Variants in PIP5K1C observed in about 807,000 individuals in gnomAD.
PIP5K1C encodes the protein phosphatidylinositol-4-phosphate 5-kinase type 1 gamma, also known as phosphatidylinositol 4-phosphate 5-kinase type-1 gamma.
In PIP5K1C, 45 loss-of-function variants were observed where a neutral mutation model predicts 80.1. The ratio of observed to expected loss-of-function variants is 0.56; its 90% CI spans 0.44 to 0.72. The LOEUF is 0.72. Ranked by LOEUF, PIP5K1C falls within the 30% of genes least tolerant of loss-of-function variation. The pLI is 0.00. For missense variants in PIP5K1C, 753 were observed against 954.6 expected (o/e 0.79, Z 2.78); for synonymous variants, 498 against 420.1 (o/e 1.19, Z -2.27).
At chr19:3,667,660 G>A (rs553916721) in intron 1 of PIP5K1C, among the ~76,000 whole-genome samples, 7 of 152,236 alleles carry the variant, frequency 4.6e-5, no homozygotes, top group Non-Finnish European at 7.3e-5. Flanking sequence ...CACCCACCAC[G>A]GAGGGCCTGG....
intron 2 of PIP5K1C, among the ~76,000 whole-genome samples, chr19:3,666,614 C>T (rs186615394): frequency 4.3e-4 from 66 of 151,980 alleles, no homozygotes; most frequent in African/African-American, 1.1e-3. Context: ...CACACACGCA[C>T]GTAGGCAAAT....
At chr19:3,690,191 A>C (rs77786419) in intron 1 of PIP5K1C, among the ~76,000 whole-genome samples, 7,893 of 151,800 alleles carry the variant, frequency 0.052, 276 homozygotes, top group South Asian at 0.091. Flanking sequence ...AGAGGAGTGG[A>C]GCAGAATAAA....
intron 14 of PIP5K1C, among the ~76,000 whole-genome samples, chr19:3,642,115 G>A (rs915265511): frequency 4.6e-5 from 7 of 152,202 alleles, no homozygotes; most frequent in African/African-American, 1.7e-4. Flanking sequence ...TGGCAGCCGA[G>A]GCCCTGACAC....
rs573641537 is a variant in PIP5K1C at position 3,669,116 on chromosome 19, G to A, written c.95-1763C>T. 2.1e-3 allele frequency among the ~76,000 whole-genome samples: 318 copies of A among 152,304 alleles called. 3 individuals are homozygous for A. Among genetic ancestry groups the A allele is most frequent in the African/African-American group, 7.1e-3 (294 of 41,578 alleles). Reference sequence around the variant, plus strand: ...TCCATTCCCCCTTCCTAGAGGAAGAGGCTGAGGGTTGGGGAAGGGAGGGCT... The same window carrying A: ...TCCATTCCCCCTTCCTAGAGGAAGAAGCTGAGGGTTGGGGAAGGGAGGGCT... On this transcript the variant is annotated intron_variant, in intron 1 of 17. Coordinates refer to ENST00000335312, the MANE Select transcript of PIP5K1C (RefSeq NM_012398.3).
rs532514981 is a variant in PIP5K1C at position 3,660,921 on chromosome 19, T to C, written c.468+45A>G. On this transcript the variant is annotated intron_variant, in intron 5 of 17. Transcript: ENST00000335312. ...CACAGACCCTCCGAGACCCTGAACA[T>C]GTTCTGTTTCAAGCCTGGAAGCCCG... is the stretch of plus-strand genomic sequence containing the variant. 2.7e-6 allele frequency: 4 copies of C among 1,467,906 alleles called. No individual in the cohort carries two copies. The Admixed American group carries it at 5.0e-5, about 19-fold the overall frequency. 90.9% of individuals were successfully genotyped at this position (1,467,906 alleles called of 1,614,324 possible). A position where few individuals can be genotyped will look rare whatever the true frequency, so the allele number is the denominator to read the frequency against.
chr19:3,678,151 AATGGAGGGATGGAGAG>A (rs1194888692), intron 1 of PIP5K1C, among the ~76,000 whole-genome samples: 2 of 99,832 alleles, frequency 2.0e-5, no homozygotes, highest in Non-Finnish European at 4.1e-5. Flanking sequence ...CAGGATAGAA[AATGGAGGGATGGAGAG>A]ATGGAGGGAT....
chr19:3,674,530 C>T (rs966248175), intron 1 of PIP5K1C, among the ~76,000 whole-genome samples: 12 of 145,850 alleles, frequency 8.2e-5, no homozygotes, highest in African/African-American at 1.5e-4. Context: ...CGGGTTCAAG[C>T]GATTCTCCTG....
intron 1 of PIP5K1C, among the ~76,000 whole-genome samples, chr19:3,677,096 T>C (rs1392603874): frequency 2.0e-5 from 3 of 151,192 alleles, no homozygotes; most frequent in Admixed American, 6.6e-5. Flanking sequence ...AGCAAGATCC[T>C]GTCTTAAAAT....
intron 16 of PIP5K1C, among the ~76,000 whole-genome samples, chr19:3,634,284 A>T (rs1240681437): frequency 6.6e-6 from 1 of 151,918 alleles, no homozygotes; most frequent in Non-Finnish European, 1.5e-5. Flanking sequence ...CCGCCTCCTG[A>T]GGAGCCCCCA....
Position 3,688,941 on chromosome 19 carries a change from G to A in PIP5K1C, c.94+11356C>T, listed in dbSNP as rs1013628797. On this transcript the variant is annotated intron_variant, in intron 1 of 17. Transcript: ENST00000335312. This position sits in a 1 kb window ranked among gnomAD's most constrained non-coding sequence, Gnocchi z 5.3. Reference sequence around the variant, plus strand: ...TGGGCGGGGGCCTGGGAGAGTGCCCGGGATGGGGCTGGGGGGTGGGGGGGG... The same window carrying A: ...TGGGCGGGGGCCTGGGAGAGTGCCCAGGATGGGGCTGGGGGGTGGGGGGGG... Among the ~76,000 whole-genome samples the A allele has an allele frequency of 8.7e-5, 13 of 149,324 alleles. No individual in the cohort carries two copies. Among genetic ancestry groups the A allele is most frequent in the Non-Finnish European group, 1.2e-4 (8 of 67,894 alleles).
Position 3,653,393 on chromosome 19 carries a change from G to C in PIP5K1C, c.818C>G (p.Pro273Arg). The C allele has an allele frequency of 1.9e-6, 3 of 1,613,022 alleles. No homozygotes were observed. Among genetic ancestry groups the C allele is most frequent in the Non-Finnish European group, 2.5e-6 (3 of 1,180,018 alleles). ...ASKKEKEKSFPTYKDLDFMQD... is the reference protein window; with the variant it reads ...ASKKEKEKSFRTYKDLDFMQD... ...CATGAAGTCCAGGTCCTTGTAGGTG[G>C]GGAAGCTCTTCTCCTTCTCCTTCTT... The change falls in exon 7 of 18, where the codon CCC becomes CGC. Residue 273 changes from proline (P) to arginine (R), a missense_variant. Physicochemically the swap from Pro to Arg is moderately radical, Grantham distance 103. Coordinates refer to ENST00000335312, the MANE Select transcript of PIP5K1C (RefSeq NM_012398.3).
intron 5 of PIP5K1C, among the ~76,000 whole-genome samples, chr19:3,660,367 G>A (rs1443604078): frequency 1.3e-5 from 2 of 151,146 alleles, no homozygotes; most frequent in Non-Finnish European, 3.0e-5. Flanking sequence ...GCGACAGAGC[G>A]AGACTCTGTC....
chr19:3,667,077 A>C (rs1600028511), intron 2 of PIP5K1C, among the ~76,000 whole-genome samples: 1 of 145,828 alleles, frequency 6.9e-6, no homozygotes, highest in South Asian at 2.3e-4. Flanking sequence ...CTGACCAGGC[A>C]CCCCTGCCAC....
At chr19:3,641,636 G>C in intron 15 of PIP5K1C, 69 bp downstream of exon 15, 1 of 1,104,764 alleles carries the variant, frequency 9.1e-7, no homozygotes. Context: ...ATGAAACCTC[G>C]GGGTGCTCTT....
At chr19:3,666,259 A>C (rs1177450297) in intron 2 of PIP5K1C, among the ~76,000 whole-genome samples, 1 of 152,210 alleles carries the variant, frequency 6.6e-6, no homozygotes, top group Non-Finnish European at 1.5e-5. Context: ...AGGTGCCCTG[A>C]GGACTGCATG....
chr19:3,646,184 C>T lies in PIP5K1C; in HGVS notation c.1261-126G>A, dbSNP rs561419196. ...CTGTGTGAAAAGGCTCGAGATGGGT[C>T]CATGGCGCCATGGCTTCCTGGGAGG... On this transcript the variant is annotated intron_variant, in intron 10 of 17. Transcript: ENST00000335312. 8.5e-5 allele frequency: 57 copies of T among 672,106 alleles called. No individual in the cohort carries two copies. The African/African-American group carries it at 9.2e-4, about 11-fold the overall frequency. 41.6% of individuals were successfully genotyped at this position (672,106 alleles called of 1,614,324 possible).
chr19:3,661,148 T>A (rs370694519), intron 4 of PIP5K1C, 65 bp from the exon 5 acceptor site: 1 of 1,094,250 alleles, frequency 9.1e-7, no homozygotes, highest in Non-Finnish European at 1.4e-6. Flanking sequence ...ACCCCCGCCA[T>A]GGTCCCTCCT....
chr19:3,642,763 T>G (rs1599935576), intron 14 of PIP5K1C, 144 bp downstream of exon 14: 1 of 740,818 alleles, frequency 1.3e-6, no homozygotes, highest in Admixed American at 1.9e-5. Flanking sequence ...TTGTGTGCGG[T>G]GCTAGGGCCG....
rs374156294 is a variant in PIP5K1C, at chr19:3,679,830, G to A, written c.95-12477C>T. On this transcript the variant is annotated intron_variant, in intron 1 of 17. Coordinates refer to ENST00000335312, the MANE Select transcript of PIP5K1C (RefSeq NM_012398.3). The stretch of plus-strand genomic sequence containing the variant: ...CCCTGGATGTGGCTTGACGTGCTGC[G>A]CTGGGCACGCATGGTGGACGGAGTG... Among the ~76,000 whole-genome samples the A allele has an allele frequency of 4.0e-3, 603 of 152,366 alleles. 8 individuals are homozygous for A. Among genetic ancestry groups the A allele is most frequent in the African/African-American group, 0.014 (571 of 41,586 alleles).
Sources: gnomAD v4.1 joint callset for allele counts (sites outside exome capture counted in the v4.1 genomes callset) on GRCh38, gnomAD v4.1.1 for gene constraint, Gnocchi (gnomAD v3.1) non-coding constraint, MANE v1.5 for transcripts, NCBI Gene and HGNC (gene_info 2026-07-23, HGNC 2026-07-21) for gene names.